Variants in DLG2 observed in about 807,000 individuals in gnomAD.
DLG2 encodes disks large homolog 2.
DLG2 carries 45 observed loss-of-function variants against 132.5 expected under a neutral mutation model. The observed-to-expected ratio is 0.34, with a 90% CI of 0.27 to 0.44. The LOEUF is 0.44. Among genes scored for constraint, DLG2 ranks in the 20% least tolerant of loss-of-function variants. The probability of loss-of-function intolerance (pLI) is 1.00; values close to 1 mark genes in which losing one functional copy is unlikely to be tolerated. For missense variants in DLG2, 1,045 were observed against 1,196.9 expected (o/e 0.87, Z 1.87); for synonymous variants, 424 against 419.6 (o/e 1.01, Z -0.13).
chr11:85,449,380 T>G (rs2092143043), intron 3 of DLG2, among the ~76,000 whole-genome samples: 1 of 152,044 alleles, frequency 6.6e-6, no homozygotes, highest in Admixed American at 6.5e-5. Flanking sequence ...TTTCTTTAAC[T>G]CTATCCTTTA....
chr11:85,042,650 T>C (rs2061978328), intron 6 of DLG2, among the ~76,000 whole-genome samples: 2 of 152,056 alleles, frequency 1.3e-5, no homozygotes, highest in South Asian at 4.1e-4. Context: ...TAGCTATTGT[T>C]ATTTTCTTAA....
chr11:84,865,978 C>T (rs1414162974), intron 6 of DLG2, among the ~76,000 whole-genome samples: 1 of 152,192 alleles, frequency 6.6e-6, no homozygotes, highest in African/African-American at 2.4e-5. Flanking sequence ...CAGCTGCCTG[C>T]CCACTTTCTC....
chr11:85,200,049 T>G (rs886855992), intron 4 of DLG2, among the ~76,000 whole-genome samples: 2 of 151,784 alleles, frequency 1.3e-5, no homozygotes, highest in East Asian at 3.9e-4. Flanking sequence ...AATTCTGTAC[T>G]CACCCACATC....
At chr11:83,971,263 C>A (rs1489315134) in intron 12 of DLG2, among the ~76,000 whole-genome samples, 1 of 151,982 alleles carries the variant, frequency 6.6e-6, no homozygotes, top group East Asian at 1.9e-4. Context: ...GACATATGTG[C>A]AGCCTGGCTG....
intron 8 of DLG2, among the ~76,000 whole-genome samples, chr11:84,194,928 T>C (rs2096486910): frequency 1.3e-5 from 2 of 152,268 alleles, no homozygotes; most frequent in Admixed American, 6.5e-5. Flanking sequence ...CCGGAACTCG[T>C]CCTGGCCGCG....
At chr11:83,908,037 C>A (rs1034557839) in intron 15 of DLG2, among the ~76,000 whole-genome samples, 6 of 152,166 alleles carry the variant, frequency 3.9e-5, no homozygotes, top group Admixed American at 3.9e-4. Flanking sequence ...TTATTGGTTT[C>A]TAAAGTGCAA....
intron 4 of DLG2, among the ~76,000 whole-genome samples, chr11:85,273,450 G>A (rs1432273338): frequency 1.3e-5 from 2 of 152,158 alleles, no homozygotes; most frequent in Admixed American, 6.5e-5. Context: ...CAAATGATAT[G>A]AAAAGACACT....
chr11:83,693,492 C>T (rs1193562905), intron 18 of DLG2, among the ~76,000 whole-genome samples: 3 of 150,682 alleles, frequency 2.0e-5, no homozygotes, highest in Non-Finnish European at 4.4e-5. Flanking sequence ...CAGCTCTGTG[C>T]CTGCTGCTCC....
Position 84,361,669 on chromosome 11 carries a change from T to A in DLG2, c.520-110378A>T, listed in dbSNP as rs1183610751. Among the ~76,000 whole-genome samples, 4 of 151,974 alleles carry A rather than the reference T, an allele frequency of 2.6e-5. No homozygotes were observed. The East Asian group carries it at 7.7e-4, about 29-fold the overall frequency. On this transcript the variant is annotated intron_variant, in intron 7 of 27. Coordinates refer to ENST00000376104, the MANE Select transcript of DLG2 (RefSeq NM_001142699.3). ...AATGATCAATATCCAGGTACTTATATTTTTGTTGCATTTTTAATCTCTTTA... is the reference window on the plus strand; with the variant it reads ...AATGATCAATATCCAGGTACTTATAATTTTGTTGCATTTTTAATCTCTTTA...
chr11:84,369,830 T>G (rs77230687), intron 7 of DLG2, among the ~76,000 whole-genome samples: 8,807 of 152,162 alleles, frequency 0.058, 885 homozygotes, highest in African/African-American at 0.2. Context: ...ATGTATTGAG[T>G]GCTGACCATG....
Position 83,458,478 on chromosome 11 carries a change from C to T in DLG2, c.*1340G>A, listed in dbSNP as rs983008642. 13 of 153,100 alleles carry T rather than the reference C, an allele frequency of 8.5e-5. No individual in the cohort carries two copies. The highest frequency in any genetic ancestry group is 1.6e-4 in the Non-Finnish European group (11 of 68,410). 9.5% of individuals were successfully genotyped at this position (153,100 alleles called of 1,614,324 possible). ...AGAAACAAAAAAGTCTGCACCCCCT[C>T]ACCCCCAACCAGACACTTCTCTTCT... is the stretch of plus-strand genomic sequence containing the variant. On this transcript the variant is annotated 3_prime_UTR_variant, in exon 28 of 28. Coordinates refer to ENST00000376104, the MANE Select transcript of DLG2 (RefSeq NM_001142699.3).
At chr11:85,165,435 A>T (rs974730040) in intron 4 of DLG2, among the ~76,000 whole-genome samples, 3 of 152,182 alleles carry the variant, frequency 2.0e-5, no homozygotes, top group Admixed American at 1.3e-4. Flanking sequence ...TCTAAAGAAC[A>T]AGAGATTCAC....
At chr11:85,388,215 C>G (rs1314632675) in intron 3 of DLG2, among the ~76,000 whole-genome samples, 1 of 152,034 alleles carries the variant, frequency 6.6e-6, no homozygotes. Flanking sequence ...CCCGTGTGAC[C>G]CAGCAGAGAC....
At chr11:85,269,742 G>T (rs1401603011) in intron 4 of DLG2, among the ~76,000 whole-genome samples, 2 of 152,130 alleles carry the variant, frequency 1.3e-5, no homozygotes, top group Non-Finnish European at 2.9e-5. Flanking sequence ...AGAATTAAAT[G>T]AAGGTCTGCT....
At chr11:85,266,995 T>C (rs144945744) in intron 4 of DLG2, among the ~76,000 whole-genome samples, 2 of 152,364 alleles carry the variant, frequency 1.3e-5, no homozygotes, top group East Asian at 3.9e-4. Flanking sequence ...GTGGACTTCC[T>C]CTATGCTCCC....
intron 11 of DLG2, among the ~76,000 whole-genome samples, chr11:83,990,313 T>A (rs371971504): frequency 2.6e-5 from 4 of 152,284 alleles, no homozygotes; most frequent in Admixed American, 6.5e-5. Context: ...GCTGGGTTCA[T>A]CTTTCCAATT....
chr11:85,022,863 G>C (rs1012744943), intron 6 of DLG2, among the ~76,000 whole-genome samples: 3 of 151,964 alleles, frequency 2.0e-5, no homozygotes, highest in Admixed American at 2.0e-4. Flanking sequence ...TTCCCCAAAT[G>C]CAAGTATTAG....
intron 18 of DLG2, among the ~76,000 whole-genome samples, chr11:83,689,907 T>C (rs71465552): frequency 0.042 from 6,110 of 145,108 alleles, 186 homozygotes; most frequent in Middle Eastern, 0.093. Context: ...AATATATTTA[T>C]GTAAATATTA....
rs115408491 is a variant in DLG2, at chr11:84,768,195, C to T, written c.358-233464G>A. On this transcript the variant is annotated intron_variant, in intron 6 of 27. Transcript: ENST00000376104. ...CAAAGAAAAAGTACACACAAATAGA[C>T]GATTCTTATCCTACCCCAAGATGTC... Among the ~76,000 whole-genome samples the T allele has an allele frequency of 7.3e-3, 1,106 of 152,274 alleles. 17 individuals carry two copies. The highest frequency in any genetic ancestry group is 0.024 in the African/African-American group (993 of 41,540).
Sources: gnomAD v4.1 joint callset for allele counts (sites outside exome capture counted in the v4.1 genomes callset) on GRCh38, gnomAD v4.1.1 for gene constraint, MANE v1.5 for transcripts, NCBI Gene and HGNC (gene_info 2026-07-23, HGNC 2026-07-21) for gene names.